Variants in TUSC3 observed in about 807,000 individuals in gnomAD.
TUSC3 encodes dolichyl-diphosphooligosaccharide--protein glycosyltransferase subunit TUSC3.
A neutral mutation model predicts 44.8 loss-of-function variants in TUSC3; 45 were observed. The observed-to-expected ratio is 1.00, with a 90% CI of 0.79 to 1.29. TUSC3 has a LOEUF of 1.29. Among genes scored for constraint, TUSC3 ranks in the 50% most tolerant of loss-of-function variants. The pLI is 0.00. For synonymous variants in TUSC3, 212 were observed against 152.9 expected (o/e 1.39, Z -2.85); for missense variants, 519 against 437.9 (o/e 1.19, Z -1.65).
rs1199505803 is a variant in TUSC3 at position 15,512,775 on chromosome 8, T to TCAAC, written n.189+29296_189+29299dup. Among the ~76,000 whole-genome samples, 136 of 17,244 alleles carry TCAAC rather than the reference T, an allele frequency of 7.9e-3. 1 individual carries two copies. In the East Asian group the frequency reaches 0.28, roughly 35 times the overall value. The allele number at this position is 17,244 out of a possible 152,430, so 11.3% of individuals were successfully genotyped here. ...GCAACAGAACAAGACTCTGTTTCAG[T>TCAAC]CAACCAATCAATCAATCAATCAATA... is the stretch of plus-strand genomic sequence containing the variant. On this transcript the variant is annotated intron_variant and non_coding_transcript_variant, in intron 2 of 5. Transcript: ENST00000503191.
rs899875623 is a variant in TUSC3, at chr8:15,743,464, T to C, written c.863-74T>C. On this transcript the variant is annotated intron_variant, in intron 7 of 10. Coordinates refer to ENST00000503731, the MANE Select transcript of TUSC3 (RefSeq NM_006765.4). ...TTTGTAGTTTAACCATTCTGGAACA[T>C]TGTGTTCAGAGCCAGAAAAATTAAT... 34 of 1,449,446 alleles carry C rather than the reference T, an allele frequency of 2.3e-5. No homozygotes were observed. The African/African-American group carries it at 4.2e-4, about 18-fold the overall frequency. 89.8% of individuals were successfully genotyped at this position (1,449,446 alleles called of 1,614,324 possible). A position where few individuals can be genotyped will look rare whatever the true frequency, so the allele number is the denominator to read the frequency against.
downstream of TUSC3, among the ~76,000 whole-genome samples, chr8:15,768,382 A>T (rs1452297665): frequency 6.6e-6 from 1 of 152,118 alleles, no homozygotes; most frequent in Non-Finnish European, 1.5e-5. Flanking sequence ...TGTTCAGGCT[A>T]TCCACTTTAT....
At chr8:15,714,261 G>A (rs921268167) in intron 6 of TUSC3, among the ~76,000 whole-genome samples, 16 of 152,066 alleles carry the variant, frequency 1.1e-4, no homozygotes, top group East Asian at 5.8e-4. Context: ...TGATTAATCC[G>A]TAAAGTAAAT....
chr8:15,691,477 CT>C (rs1486935895), intron 6 of TUSC3, among the ~76,000 whole-genome samples: 1 of 152,140 alleles, frequency 6.6e-6, no homozygotes, highest in Non-Finnish European at 1.5e-5. Flanking sequence ...GACTTCCTCT[CT>C]TTTTATTTTG....
At chr8:15,654,185 T>C (rs1048152354) in intron 3 of TUSC3, among the ~76,000 whole-genome samples, 3 of 152,198 alleles carry the variant, frequency 2.0e-5, no homozygotes, top group Non-Finnish European at 4.4e-5. Flanking sequence ...ATAGTTTTCA[T>C]GTGGGGAGTG....
the TUSC3 span, among the ~76,000 whole-genome samples, chr8:15,779,353 C>T: frequency 2.0e-5 from 3 of 152,024 alleles, no homozygotes; most frequent in African/African-American, 7.2e-5. Flanking sequence ...CAAGCATGAG[C>T]CACTGTGCCC....
intron 1 of TUSC3, among the ~76,000 whole-genome samples, chr8:15,480,820 T>A (rs1455594470): frequency 7.9e-5 from 12 of 152,190 alleles, no homozygotes. Context: ...CCAAATATAA[T>A]TACATTCTAA....
At chr8:15,481,195 C>T (rs1033563335) in intron 1 of TUSC3, among the ~76,000 whole-genome samples, 3 of 147,306 alleles carry the variant, frequency 2.0e-5, no homozygotes, top group Admixed American at 1.4e-4. Context: ...TGTGGTGAGC[C>T]GAGATGGCAC....
chr8:15,832,917 C>T, the TUSC3 span, among the ~76,000 whole-genome samples: 2 of 152,212 alleles, frequency 1.3e-5, no homozygotes, highest in East Asian at 3.9e-4. Context: ...GAACTCATCA[C>T]TGGATTAAAT....
At chr8:15,572,496 G>A (rs1160053698) in intron 1 of TUSC3, among the ~76,000 whole-genome samples, 1 of 152,124 alleles carries the variant, frequency 6.6e-6, no homozygotes, top group East Asian at 1.9e-4. Context: ...AGGCTGTTTT[G>A]CTTTCTTACC....
chr8:15,681,956 A>G lies in TUSC3; in HGVS notation c.798+8120A>G, dbSNP rs143829485. Among the ~76,000 whole-genome samples the G allele has an allele frequency of 2.4e-3, 363 of 152,192 alleles. 2 individuals are homozygous for G. The highest frequency in any genetic ancestry group is 8.4e-3 in the African/African-American group (348 of 41,546). Reference sequence around the variant, plus strand: ...TTCAGGAGCAAGTTGTTTAGTTACTATGTAATTTTGTGTTTTTGAGATTTC... The same window carrying G: ...TTCAGGAGCAAGTTGTTTAGTTACTGTGTAATTTTGTGTTTTTGAGATTTC... On this transcript the variant is annotated intron_variant, in intron 6 of 10. Coordinates refer to ENST00000503731, the MANE Select transcript of TUSC3 (RefSeq NM_006765.4).
chr8:15,649,538 C>A (rs112501090), intron 2 of TUSC3, among the ~76,000 whole-genome samples: 3 of 150,782 alleles, frequency 2.0e-5, no homozygotes, highest in African/African-American at 4.9e-5. Context: ...GAGCCGAGAT[C>A]GCGCCACTGC....
intron 6 of TUSC3, among the ~76,000 whole-genome samples, chr8:15,721,542 A>G (rs1585266597): frequency 1.3e-5 from 2 of 152,066 alleles, no homozygotes; most frequent in East Asian, 3.8e-4. Flanking sequence ...GCATAGATTT[A>G]TGTATTTTCT....
the TUSC3 span, among the ~76,000 whole-genome samples, chr8:15,832,212 G>C: frequency 6.6e-6 from 1 of 151,958 alleles, no homozygotes; most frequent in Non-Finnish European, 1.5e-5. Flanking sequence ...AAGCAAAGGA[G>C]GAACAAGATC....
the TUSC3 span, among the ~76,000 whole-genome samples, chr8:15,828,980 G>C: frequency 3.3e-5 from 5 of 152,150 alleles, no homozygotes; most frequent in South Asian, 6.2e-4. Context: ...ACATGAATTG[G>C]AAAAAGTATC....
chr8:15,460,994 T>C (rs1800337243), intron 1 of TUSC3, among the ~76,000 whole-genome samples: 1 of 152,216 alleles, frequency 6.6e-6, no homozygotes, highest in Admixed American at 6.5e-5. Flanking sequence ...TTGCTTAGTT[T>C]TGCTTTGGCT....
At chr8:15,476,712 G>T (rs980854635) in intron 1 of TUSC3, among the ~76,000 whole-genome samples, 3 of 152,182 alleles carry the variant, frequency 2.0e-5, no homozygotes, top group East Asian at 1.9e-4. Flanking sequence ...GTGGGAGCAG[G>T]CCCGAGCATA....
intron 6 of TUSC3, among the ~76,000 whole-genome samples, chr8:15,705,261 G>T (rs1563182219): frequency 2.0e-5 from 3 of 151,792 alleles, no homozygotes; most frequent in Non-Finnish European, 4.4e-5. Flanking sequence ...TTCTTATGAT[G>T]AGTGGAGTTT....
intron 6 of TUSC3, among the ~76,000 whole-genome samples, chr8:15,706,156 ACT>A (rs1365847052): frequency 6.6e-6 from 1 of 151,984 alleles, no homozygotes; most frequent in Non-Finnish European, 1.5e-5. Flanking sequence ...AATATTGCAT[ACT>A]GTTTCCCTAA....
Sources: gnomAD v4.1 joint callset for allele counts (sites outside exome capture counted in the v4.1 genomes callset) on GRCh38, gnomAD v4.1.1 for gene constraint, MANE v1.5 for transcripts, NCBI Gene and HGNC (gene_info 2026-07-23, HGNC 2026-07-21) for gene names.